The following AOPEP variants were observed in gnomAD, a reference collection of about 807,000 sequenced individuals.
AOPEP encodes aminopeptidase O.
AOPEP carries 77 observed loss-of-function variants against 98.1 expected under a neutral mutation model. That is an observed-to-expected ratio of 0.78 (90% CI 0.65 to 0.95). The LOEUF (loss-of-function observed/expected upper bound fraction) is 0.95. Among genes scored for constraint, AOPEP ranks in the 40% least tolerant of loss-of-function variants. The pLI is 0.00. For synonymous variants in AOPEP, 346 were observed against 365.3 expected, an observed-to-expected ratio of 0.95 and a Z score of 0.60; for missense variants, 1,024 against 1,024.7, an observed-to-expected ratio of 1.00 and a Z score of 0.01.
At position 94,846,191 on chromosome 9, in the gene AOPEP, C is replaced by A. The variant is rs118149165; in HGVS notation, c.1364+45189C>A. On this transcript the variant is annotated intron_variant, in intron 5 of 16. Transcript: ENST00000375315. ...GACTAGAGATCTGAATTTGCGGAGCCTTCAGGATACAGATGGTATTTGACG... is the reference window on the plus strand; with the variant it reads ...GACTAGAGATCTGAATTTGCGGAGCATTCAGGATACAGATGGTATTTGACG... 5.0e-3 allele frequency among the ~76,000 whole-genome samples: 757 copies of A among 152,178 alleles called. 7 individuals carry two copies. Among genetic ancestry groups the A allele is most frequent in the Middle Eastern group, 0.01 (3 of 294 alleles).
chr9:94,756,903 C>G (rs1564075330), intron 1 of AOPEP, among the ~76,000 whole-genome samples: 1 of 152,256 alleles, frequency 6.6e-6, no homozygotes, highest in East Asian at 1.9e-4. Context: ...TGTGGATAAA[C>G]CTAATTTTGT....
chr9:95,080,030 G>C (rs1678455952), intron 14 of AOPEP, among the ~76,000 whole-genome samples: 1 of 152,212 alleles, frequency 6.6e-6, no homozygotes, highest in South Asian at 2.1e-4. Context: ...GTGGTGATTT[G>C]AAAGGGAACC....
intron 13 of AOPEP, among the ~76,000 whole-genome samples, chr9:95,020,918 C>CAAAA (rs55696602): frequency 2.0e-4 from 15 of 73,356 alleles, no homozygotes; most frequent in East Asian, 4.0e-4. Context: ...GACCTTGTCT[C>CAAAA]AAAAAAAAAA....
chr9:94,776,915 ATT>A (rs776753790), intron 3 of AOPEP, among the ~76,000 whole-genome samples: 10 of 128,598 alleles, frequency 7.8e-5, no homozygotes, highest in Admixed American at 3.1e-4. Context: ...AAATAGCTTC[ATT>A]TTTTTTTTTT....
At chr9:94,820,259 T>C (rs988303535) in intron 5 of AOPEP, among the ~76,000 whole-genome samples, 1 of 152,162 alleles carries the variant, frequency 6.6e-6, no homozygotes, top group Non-Finnish European at 1.5e-5. Context: ...GCAATTCTTT[T>C]ATGTTTTTGT....
At chr9:95,000,585 G>T (rs1201124945) in intron 11 of AOPEP, among the ~76,000 whole-genome samples, 1 of 152,136 alleles carries the variant, frequency 6.6e-6, no homozygotes, top group East Asian at 1.9e-4. Flanking sequence ...GCAGGCGCCT[G>T]TAATCCCAGC....
chr9:95,099,937 C>G, the AOPEP span: 1 of 232,602 alleles, frequency 4.3e-6, no homozygotes, highest in African/African-American at 2.2e-5. Context: ...TACACAGGAC[C>G]ACAGGACAGG....
At chr9:94,795,419 T>C (rs1266828579) in intron 4 of AOPEP, among the ~76,000 whole-genome samples, 5 of 152,146 alleles carry the variant, frequency 3.3e-5, no homozygotes, top group Non-Finnish European at 7.4e-5. Context: ...ATATACCTCT[T>C]TGGACAAAGC....
At chr9:94,991,820 T>C (rs925609766) in intron 11 of AOPEP, among the ~76,000 whole-genome samples, 1 of 152,180 alleles carries the variant, frequency 6.6e-6, no homozygotes, top group Non-Finnish European at 1.5e-5. Flanking sequence ...ATATTTTGCA[T>C]AGGAAATACT....
At chr9:94,742,648 T>C (rs999377566) in intron 1 of AOPEP, among the ~76,000 whole-genome samples, 1 of 152,082 alleles carries the variant, frequency 6.6e-6, no homozygotes, top group Admixed American at 6.5e-5. Flanking sequence ...TTGGCCAGGA[T>C]GGTCTTGATC....
At chr9:94,853,185 C>T (rs72746602) in intron 5 of AOPEP, among the ~76,000 whole-genome samples, 7,151 of 152,238 alleles carry the variant, frequency 0.047, 245 homozygotes, top group Non-Finnish European at 0.068. Flanking sequence ...CAAGGCTGGG[C>T]GCAGTGGCTA....
chr9:94,895,084 C>T (rs1454029804), intron 5 of AOPEP, among the ~76,000 whole-genome samples: 1 of 151,728 alleles, frequency 6.6e-6, no homozygotes, highest in Non-Finnish European at 1.5e-5. Flanking sequence ...AATCAAAAGG[C>T]AGCATGAGGC....
intron 5 of AOPEP, among the ~76,000 whole-genome samples, chr9:94,909,641 G>A (rs546474563): frequency 1.1e-3 from 164 of 152,108 alleles, no homozygotes; most frequent in Non-Finnish European, 1.9e-3. Flanking sequence ...CGTGTGTGAC[G>A]TCCATCTCAA....
chr9:94,966,387 T>C (rs559840202), intron 9 of AOPEP, among the ~76,000 whole-genome samples: 1 of 152,228 alleles, frequency 6.6e-6, no homozygotes, highest in Non-Finnish European at 1.5e-5. Context: ...TGCAGTTAAA[T>C]GGGTGTCATC....
chr9:95,057,788 G>T, intron 13 of AOPEP, among the ~76,000 whole-genome samples: 1 of 152,096 alleles, frequency 6.6e-6, no homozygotes, highest in Non-Finnish European at 1.5e-5. Flanking sequence ...CCAGGTGGCC[G>T]CAGGTTGTTT....
intron 5 of AOPEP, among the ~76,000 whole-genome samples, chr9:94,900,046 G>C (rs1213123532): frequency 1.3e-5 from 2 of 152,198 alleles, no homozygotes; most frequent in Non-Finnish European, 2.9e-5. Context: ...GGACTTGAAT[G>C]AGATGGAGGG....
chr9:95,126,696 C>T, the AOPEP span: 2 of 1,065,898 alleles, frequency 1.9e-6, no homozygotes, highest in Non-Finnish European at 2.9e-6. Context: ...AACTGGCATA[C>T]TCCTTTTGGT....
intron 11 of AOPEP, among the ~76,000 whole-genome samples, chr9:95,000,385 A>C (rs2061487412): frequency 1.3e-5 from 2 of 152,286 alleles, no homozygotes; most frequent in Admixed American, 6.5e-5. Context: ...AAATCATCCA[A>C]AAATATTACA....
chr9:95,122,944 G>T, the AOPEP span, among the ~76,000 whole-genome samples: 1 of 152,186 alleles, frequency 6.6e-6, no homozygotes, highest in Non-Finnish European at 1.5e-5. Flanking sequence ...CATGGATAGC[G>T]CAGCTTGCTA....
Sources: allele counts gnomAD v4.1 joint callset (sites outside exome capture counted in the v4.1 genomes callset), GRCh38; gene constraint gnomAD v4.1.1; transcripts MANE v1.5; gene names NCBI Gene and HGNC (gene_info 2026-07-23, HGNC 2026-07-21).